TMEM45A: variants seen among roughly 807,000 people sequenced by gnomAD.
The protein encoded by TMEM45A is transmembrane protein 45A, also known as DNA polymerase-transactivated protein 4.
TMEM45A carries 25 observed loss-of-function variants against 32.0 expected under a neutral mutation model. The observed-to-expected ratio is 0.78, with a 90% CI of 0.57 to 1.09. The LOEUF (loss-of-function observed/expected upper bound fraction) is 1.09. Ranked by LOEUF, TMEM45A falls within the 50% of genes least tolerant of loss-of-function variation. The probability of loss-of-function intolerance (pLI) is 0.00; values close to 1 mark genes in which losing one functional copy is unlikely to be tolerated. For missense variants in TMEM45A, 302 were observed against 325.0 expected, an observed-to-expected ratio of 0.93 and a Z score of 0.54; for synonymous variants, 122 against 114.8, an observed-to-expected ratio of 1.06 and a Z score of -0.40.
intron 1 of TMEM45A, among the ~76,000 whole-genome samples, chr3:100,513,465 G>T (rs1420426681): frequency 6.7e-6 from 1 of 149,770 alleles, no homozygotes; most frequent in Admixed American, 6.7e-5. Context: ...AGGTATTGAT[G>T]GGACGTATCT....
At chr3:100,566,763 C>T (rs1330538795) in intron 4 of TMEM45A, among the ~76,000 whole-genome samples, 1 of 152,048 alleles carries the variant, frequency 6.6e-6, no homozygotes, top group Non-Finnish European at 1.5e-5. Context: ...TATCCATAAT[C>T]TTTTCATGTG....
chr3:100,513,726 C>T (rs1708209060), intron 1 of TMEM45A, among the ~76,000 whole-genome samples: 1 of 151,994 alleles, frequency 6.6e-6, no homozygotes, highest in South Asian at 2.1e-4. Context: ...TCTAGAAAAC[C>T]CCATCATCTC....
At chr3:100,559,339 G>C in intron 4 of TMEM45A, among the ~76,000 whole-genome samples, 1 of 152,326 alleles carries the variant, frequency 6.6e-6, no homozygotes, top group Admixed American at 6.5e-5. Flanking sequence ...AGAGAACACA[G>C]ATTTGGGATA....
chr3:100,522,688 C>T (rs1705458811), intron 1 of TMEM45A, among the ~76,000 whole-genome samples: 2 of 152,178 alleles, frequency 1.3e-5, no homozygotes, highest in Non-Finnish European at 2.9e-5. Context: ...CTCACCCTCA[C>T]CTGGCTGTTC....
chr3:100,539,496 C>CGTATAT (rs1559644621), intron 1 of TMEM45A, among the ~76,000 whole-genome samples: 1 of 106,918 alleles, frequency 9.4e-6, no homozygotes, highest in African/African-American at 3.2e-5. Flanking sequence ...TATATGTATA[C>CGTATAT]GTATACGTAT....
At chr3:100,538,189 C>G (rs1292751315) in intron 1 of TMEM45A, among the ~76,000 whole-genome samples, 1 of 152,180 alleles carries the variant, frequency 6.6e-6, no homozygotes, top group Middle Eastern at 3.2e-3. Flanking sequence ...TAAGGGCTCT[C>G]AGAGGCAGAG....
intron 1 of TMEM45A, among the ~76,000 whole-genome samples, chr3:100,540,798 T>G (rs1209844924): frequency 6.6e-6 from 1 of 152,214 alleles, no homozygotes; most frequent in Non-Finnish European, 1.5e-5. Context: ...AAATATATCC[T>G]TCCATATGTC....
chr3:100,563,907 T>C (rs78740662), intron 4 of TMEM45A, among the ~76,000 whole-genome samples: 2 of 152,222 alleles, frequency 1.3e-5, no homozygotes, highest in African/African-American at 4.8e-5. Flanking sequence ...TGTGAGCTCA[T>C]ACCTCTAACT....
At chr3:100,539,467 G>GTA (rs1310856592) in intron 1 of TMEM45A, among the ~76,000 whole-genome samples, 1 of 137,564 alleles carries the variant, frequency 7.3e-6, no homozygotes, top group Non-Finnish European at 1.6e-5. Context: ...ATATGTATAT[G>GTA]TATATGTATA....
At chr3:100,504,877 T>C (rs1403760135) in intron 1 of TMEM45A, among the ~76,000 whole-genome samples, 1 of 152,206 alleles carries the variant, frequency 6.6e-6, no homozygotes, top group Non-Finnish European at 1.5e-5. Context: ...AAACTGTGCT[T>C]ATGTAGTGTA....
chr3:100,512,734 T>C (rs1264093417), intron 1 of TMEM45A, among the ~76,000 whole-genome samples: 1 of 150,640 alleles, frequency 6.6e-6, no homozygotes, highest in Non-Finnish European at 1.5e-5. Flanking sequence ...CTAGCAAGAC[T>C]AATAAAGAAA....
chr3:100,515,167 C>T (rs1327862415), intron 1 of TMEM45A, among the ~76,000 whole-genome samples: 1 of 151,844 alleles, frequency 6.6e-6, no homozygotes, highest in African/African-American at 2.4e-5. Context: ...GCTATAAAGA[C>T]ACATGCACAC....
chr3:100,572,867 C>T (rs1433934537), intron 5 of TMEM45A: 2 of 149,766 alleles, frequency 1.3e-5, no homozygotes, highest in African/African-American at 4.9e-5. Flanking sequence ...AATCCTTTCC[C>T]CATTGCTTGT....
At chr3:100,566,188 T>C (rs60375749) in intron 4 of TMEM45A, among the ~76,000 whole-genome samples, 19,918 of 152,206 alleles carry the variant, frequency 0.13, 1,591 homozygotes, top group East Asian at 0.32. Flanking sequence ...ATTTGGGTTG[T>C]TTTCATCTTT....
At chr3:100,503,962 G>T (rs1478488948) in intron 1 of TMEM45A, among the ~76,000 whole-genome samples, 3 of 152,152 alleles carry the variant, frequency 2.0e-5, no homozygotes, top group South Asian at 2.1e-4. Context: ...CAATGTTATT[G>T]GTTGCCACTT....
At chr3:100,526,914 G>A (rs1265494317) in intron 1 of TMEM45A, among the ~76,000 whole-genome samples, 1 of 152,186 alleles carries the variant, frequency 6.6e-6, no homozygotes, top group Non-Finnish European at 1.5e-5. Flanking sequence ...GGCACAAAGT[G>A]AGTCCATGTG....
At chr3:100,519,158 G>A in intron 1 of TMEM45A, 1 of 178,046 alleles carries the variant, frequency 5.6e-6, no homozygotes. Context: ...AAGCATGTGA[G>A]TGGGAGGAAG....
chr3:100,558,766 T>A (rs1576290004), intron 4 of TMEM45A, among the ~76,000 whole-genome samples, 177 bp downstream of exon 4: 1 of 152,326 alleles, frequency 6.6e-6, no homozygotes, highest in South Asian at 2.1e-4. Context: ...GGGAGAATTG[T>A]CAGAGCAGCT....
intron 1 of TMEM45A, among the ~76,000 whole-genome samples, chr3:100,520,937 G>C (rs1485474962): frequency 6.6e-6 from 1 of 152,174 alleles, no homozygotes; most frequent in Admixed American, 6.5e-5. Context: ...ACGAGGATGG[G>C]ATCCACATCA....
Sources: gnomAD v4.1 joint callset for allele counts (sites outside exome capture counted in the v4.1 genomes callset) on GRCh38, gnomAD v4.1.1 for gene constraint, MANE v1.5 for transcripts, NCBI Gene and HGNC (gene_info 2026-07-23, HGNC 2026-07-21) for gene names.